The following ARSF variants were observed in gnomAD, a reference collection of about 807,000 sequenced individuals.
The protein encoded by ARSF is arylsulfatase F.
ARSF carries 33 observed loss-of-function variants against 35.4 expected under a neutral mutation model. That is an observed-to-expected ratio of 0.93 (90% CI 0.71 to 1.25). The LOEUF (loss-of-function observed/expected upper bound fraction) is 1.25, where lower values mean the gene tolerates loss of function less well. ARSF is among the 50% of genes most tolerant of loss of function. ARSF has a pLI of 0.00. For missense variants in ARSF, 501 were observed against 480.2 expected (o/e 1.04, Z -0.40); for synonymous variants, 222 against 193.1 (o/e 1.15, Z -1.24).
chrX:3,069,700 T>C (rs1343891744), intron 2 of ARSF, among the ~76,000 whole-genome samples: 1 of 109,816 alleles, frequency 9.1e-6, no homozygotes, highest in African/African-American at 3.4e-5. Context: ...TTTCTTTCTT[T>C]TTAAATTCAT....
rs369670975 is a variant in ARSF at position 3,084,608 on chromosome X, A to G, written c.772A>G (p.Met258Val). Reference protein sequence around the residue: ...MRGHEITEQPMKAERAGSIMV... With the variant: ...MRGHEITEQPVKAERAGSIMV... ...GGGGCACGAGATCACGGAGCAGCCC[A>G]TGAAGGCTGAACGAGCTGGATCCAT... The change falls in exon 6 of 11, where the codon ATG (methionine) becomes GTG (valine). Residue 258 changes from methionine to valine, a missense_variant. Coordinates refer to ENST00000381127, the MANE Select transcript of ARSF (RefSeq NM_001201539.2). 2.1e-4 allele frequency: 258 copies of G among 1,201,611 alleles called. No homozygotes were observed. Among genetic ancestry groups the G allele is most frequent in the Non-Finnish European group, 2.8e-4 (248 of 890,125 alleles).
At chrX:3,048,417 G>T (rs149250862) in intron 1 of ARSF, among the ~76,000 whole-genome samples, 1 of 112,293 alleles carries the variant, frequency 8.9e-6, no homozygotes, top group African/African-American at 3.2e-5. Flanking sequence ...TGAGACAAAT[G>T]CTTATCTGAT....
At chrX:3,066,101 A>C (rs920934313) in intron 1 of ARSF, among the ~76,000 whole-genome samples, 1 of 111,439 alleles carries the variant, frequency 9.0e-6, no homozygotes, top group African/African-American at 3.3e-5. Context: ...TAAACAAAAC[A>C]AAACAAAATC....
intron 7 of ARSF, among the ~76,000 whole-genome samples, chrX:3,094,714 C>G (rs1282097790): frequency 9.0e-6 from 1 of 110,940 alleles, no homozygotes; most frequent in Non-Finnish European, 1.9e-5. Flanking sequence ...CCAGGGCAGG[C>G]CTGTCTGTGG....
chrX:3,111,308 C>A (rs5939453), intron 10 of ARSF, among the ~76,000 whole-genome samples: 6,745 of 110,958 alleles, frequency 0.061, 197 homozygotes, highest in Non-Finnish European at 0.088. Flanking sequence ...AGTTTATGAC[C>A]CAGAAATTGG....
At chrX:3,106,829 TC>T (rs915329277) in intron 9 of ARSF, among the ~76,000 whole-genome samples, 3 of 111,811 alleles carry the variant, frequency 2.7e-5, no homozygotes, top group Non-Finnish European at 5.6e-5. Flanking sequence ...CAATGGTTTA[TC>T]AAAGTGTTGG....
intron 5 of ARSF, 98 bp downstream of exon 5, chrX:3,081,111 C>T: frequency 4.6e-6 from 5 of 1,086,874 alleles, no homozygotes; most frequent in Admixed American, 2.6e-5. Context: ...CTGTATTTTA[C>T]AATGTCTTAT....
intron 7 of ARSF, among the ~76,000 whole-genome samples, chrX:3,094,653 A>G (rs1206063918): frequency 9.0e-6 from 1 of 111,421 alleles, no homozygotes; most frequent in Non-Finnish European, 1.9e-5. Context: ...TGAGACAAGG[A>G]TGAGGGTCTT....
intron 7 of ARSF, among the ~76,000 whole-genome samples, chrX:3,092,187 A>G (rs1400675560): frequency 9.1e-6 from 1 of 109,467 alleles, no homozygotes; most frequent in Admixed American, 9.9e-5. Context: ...ATACATACAT[A>G]CATACATACA....
chrX:3,045,883 G>A (rs1475091517), intron 1 of ARSF, among the ~76,000 whole-genome samples: 3 of 106,982 alleles, frequency 2.8e-5, no homozygotes, highest in Admixed American at 2.0e-4. Context: ...TGTTTGTTTT[G>A]TTTTGTTTTG....
In ARSF at chrX:3,084,627, G is replaced by T; in HGVS notation, c.791G>T (p.Gly264Val). 1 of 1,188,603 alleles carries T rather than the reference G, an allele frequency of 8.4e-7. No homozygotes were observed. Among genetic ancestry groups the T allele is most frequent in the Non-Finnish European group, 1.1e-6 (1 of 882,907 alleles). The change falls in exon 6 of 11, where the codon GGA becomes GTA. Residue 264 changes from glycine (G) to valine (V), a missense_variant. Transcript: ENST00000381127. Reference sequence around the variant, plus strand: ...CAGCCCATGAAGGCTGAACGAGCTGGATCCATTATGGTGAAGGAAGCGATT... The same window carrying T: ...CAGCCCATGAAGGCTGAACGAGCTGTATCCATTATGGTGAAGGAAGCGATT... ...TEQPMKAERAGSIMVKEAISF... is the reference protein window; with the variant it reads ...TEQPMKAERAVSIMVKEAISF...
At chrX:3,109,955 G>T (rs987769341) in intron 9 of ARSF, among the ~76,000 whole-genome samples, 173 bp from the exon 10 acceptor site, 1 of 111,614 alleles carries the variant, frequency 9.0e-6, no homozygotes, top group African/African-American at 3.3e-5. Flanking sequence ...TTCTTCTCTT[G>T]TCCACTGGAG....
At chrX:3,103,626 C>T in intron 8 of ARSF, 136 bp from the exon 9 acceptor site, 1 of 691,205 alleles carries the variant, frequency 1.4e-6, no homozygotes. Context: ...CACTACTTAC[C>T]CCACTAGGAC....
chrX:3,083,671 ATCTG>A (rs777611643), intron 5 of ARSF, among the ~76,000 whole-genome samples: 5 of 111,338 alleles, frequency 4.5e-5, no homozygotes, highest in East Asian at 2.8e-4. Context: ...GCATCTGTTC[ATCTG>A]TCTATCTACC....
In ARSF at chrX:3,089,640, A is replaced by G; in HGVS notation, c.967+8A>G. ...AGATGGACTCCATGGTGGGTAAGTC[A>G]CAGGACTTAAGTGGACAGAAACTAA... On this transcript the variant is annotated splice_region_variant and intron_variant, in intron 7 of 10. Coordinates refer to ENST00000381127, the MANE Select transcript of ARSF (RefSeq NM_001201539.2). 8.3e-7 allele frequency: 1 copy of G among 1,209,762 alleles called. No homozygotes were observed. Among genetic ancestry groups the G allele is most frequent in the Non-Finnish European group, 1.1e-6 (1 of 894,193 alleles).
chrX:3,043,883 G>A (rs184446595), intron 1 of ARSF, among the ~76,000 whole-genome samples: 121 of 111,026 alleles, frequency 1.1e-3, no homozygotes, highest in African/African-American at 3.8e-3. Context: ...TGGGCTCAAG[G>A]GATCCTCCTG....
chrX:3,100,999 TC>T, intron 7 of ARSF, 87 bp from the exon 8 acceptor site: 1 of 897,726 alleles, frequency 1.1e-6, no homozygotes, highest in South Asian at 2.7e-5. Flanking sequence ...ATCCTTGTTT[TC>T]CTTTAGATAG....
intron 1 of ARSF, among the ~76,000 whole-genome samples, chrX:3,065,760 A>C (rs2090063017): frequency 9.0e-6 from 1 of 110,999 alleles, no homozygotes; most frequent in Admixed American, 9.7e-5. Context: ...ATTCCTCTCC[A>C]GGTACATTTA....
intron 8 of ARSF, among the ~76,000 whole-genome samples, chrX:3,103,218 C>G (rs780145315): frequency 9.0e-6 from 1 of 110,967 alleles, no homozygotes; most frequent in Non-Finnish European, 1.9e-5. Flanking sequence ...TTATATCCTA[C>G]TGGAGGGAGG....
Sources: allele counts gnomAD v4.1 joint callset (sites outside exome capture counted in the v4.1 genomes callset), GRCh38; gene constraint gnomAD v4.1.1; transcripts MANE v1.5; gene names NCBI Gene and HGNC (gene_info 2026-07-23, HGNC 2026-07-21).